Variants in LINGO2 observed in about 807,000 individuals in gnomAD.
LINGO2 encodes leucine rich repeat and Ig domain containing 2, also known as leucine-rich repeat and immunoglobulin-like domain-containing nogo receptor-interacting protein 2.
LINGO2 carries 14 observed loss-of-function variants against 30.6 expected under a neutral mutation model. The observed-to-expected ratio is 0.46, with a 90% CI of 0.30 to 0.72. The LOEUF is 0.72. Among genes scored for constraint, LINGO2 ranks in the 30% least tolerant of loss-of-function variants. The pLI is 0.07. For missense variants in LINGO2, 729 were observed against 751.7 expected, an observed-to-expected ratio of 0.97 and a Z score of 0.35; for synonymous variants, 317 against 288.5, an observed-to-expected ratio of 1.10 and a Z score of -1.00.
At chr9:28,470,765 A>G (rs1825487653) in intron 2 of LINGO2, among the ~76,000 whole-genome samples, 1 of 151,990 alleles carries the variant, frequency 6.6e-6, no homozygotes, top group Admixed American at 6.6e-5. Flanking sequence ...TAGCTAATGG[A>G]AAAGTCAAAG....
the LINGO2 span, among the ~76,000 whole-genome samples, chr9:29,002,004 T>C: frequency 5.3e-5 from 8 of 152,024 alleles, no homozygotes; most frequent in Non-Finnish European, 1.0e-4. Flanking sequence ...CTTCTATGGT[T>C]TGTCTTGGTA....
chr9:28,184,142 C>G (rs1819456914), intron 4 of LINGO2, among the ~76,000 whole-genome samples: 1 of 152,048 alleles, frequency 6.6e-6, no homozygotes, highest in South Asian at 2.1e-4. Flanking sequence ...TGGGGAAGTT[C>G]TAAGGAACAC....
the LINGO2 span, among the ~76,000 whole-genome samples, chr9:28,854,507 T>C: frequency 2.6e-5 from 4 of 151,968 alleles, no homozygotes; most frequent in Non-Finnish European, 2.9e-5. Context: ...AAATCACTGA[T>C]TGATAAATGG....
At chr9:28,520,108 C>T (rs1820773747) in intron 1 of LINGO2, among the ~76,000 whole-genome samples, 1 of 152,134 alleles carries the variant, frequency 6.6e-6, no homozygotes, top group African/African-American at 2.4e-5. Flanking sequence ...ACATAAACAT[C>T]ACATGATTGG....
chr9:28,282,887 T>C (rs900671254), intron 4 of LINGO2, among the ~76,000 whole-genome samples: 1 of 152,188 alleles, frequency 6.6e-6, no homozygotes, highest in East Asian at 1.9e-4. Context: ...ATTTCCAATA[T>C]TTGTACTGTA....
chr9:28,518,146 C>G (rs1820698091), intron 1 of LINGO2, among the ~76,000 whole-genome samples: 1 of 151,994 alleles, frequency 6.6e-6, no homozygotes, highest in East Asian at 1.9e-4. Flanking sequence ...TTGGAGAGGA[C>G]TCAGAGGTGC....
At chr9:27,953,888 A>G (rs1819436669) in intron 5 of LINGO2, among the ~76,000 whole-genome samples, 1 of 152,212 alleles carries the variant, frequency 6.6e-6, no homozygotes, top group Non-Finnish European at 1.5e-5. Flanking sequence ...ATATGAATAT[A>G]CATACATGTA....
chr9:29,042,429 G>C, the LINGO2 span, among the ~76,000 whole-genome samples: 1 of 151,910 alleles, frequency 6.6e-6, no homozygotes, highest in African/African-American at 2.4e-5. Context: ...TATCCCAAAA[G>C]TGAATAATCC....
chr9:28,683,571 A>G, the LINGO2 span, among the ~76,000 whole-genome samples: 2 of 152,184 alleles, frequency 1.3e-5, no homozygotes, highest in Non-Finnish European at 2.9e-5. Flanking sequence ...TATTTTGTAT[A>G]CAATATTTAC....
chr9:28,907,306 T>A, the LINGO2 span, among the ~76,000 whole-genome samples: 1 of 151,956 alleles, frequency 6.6e-6, no homozygotes, highest in Non-Finnish European at 1.5e-5. Context: ...CCTATGAGAA[T>A]GAGTGTGGCT....
the LINGO2 span, among the ~76,000 whole-genome samples, chr9:29,114,959 TTA>T: frequency 0.049 from 7,532 of 152,202 alleles, 292 homozygotes; most frequent in Admixed American, 0.075. Context: ...AAAATAAAAT[TTA>T]TATGATTTGT....
At chr9:28,877,054 G>A in the LINGO2 span, among the ~76,000 whole-genome samples, 9 of 151,198 alleles carry the variant, frequency 6.0e-5, no homozygotes, top group African/African-American at 1.9e-4. Context: ...GTCTTCTTTT[G>A]AAAAGTGTCT....
At chr9:29,191,290 G>A in the LINGO2 span, among the ~76,000 whole-genome samples, 1 of 152,102 alleles carries the variant, frequency 6.6e-6, no homozygotes, top group African/African-American at 2.4e-5. Context: ...GTATATACAA[G>A]AAAAACTTGA....
chr9:28,562,001 C>G (rs1823113158), intron 1 of LINGO2, among the ~76,000 whole-genome samples: 1 of 151,608 alleles, frequency 6.6e-6, no homozygotes, highest in Non-Finnish European at 1.5e-5. Flanking sequence ...ACACTGTCAT[C>G]CTTTTTTCTT....
At chr9:28,950,502 T>C in the LINGO2 span, among the ~76,000 whole-genome samples, 2 of 152,160 alleles carry the variant, frequency 1.3e-5, no homozygotes, top group African/African-American at 4.8e-5. Flanking sequence ...AACCCCATTG[T>C]CTCAGCCCAA....
intron 1 of LINGO2, among the ~76,000 whole-genome samples, chr9:28,512,796 A>C (rs1043439562): frequency 4.6e-5 from 7 of 151,098 alleles, no homozygotes; most frequent in African/African-American, 1.7e-4. Context: ...CCCAAAACTG[A>C]AGAACTTGGA....
At chr9:28,218,720 A>G (rs1820855986) in intron 4 of LINGO2, among the ~76,000 whole-genome samples, 1 of 152,080 alleles carries the variant, frequency 6.6e-6, no homozygotes, top group African/African-American at 2.4e-5. Flanking sequence ...ACAATCTCAC[A>G]GCCCAATGTC....
chr9:28,188,340 GT>G (rs1376827987), intron 4 of LINGO2, among the ~76,000 whole-genome samples: 1 of 152,028 alleles, frequency 6.6e-6, no homozygotes, highest in Non-Finnish European at 1.5e-5. Context: ...TAACTAAATT[GT>G]TTTCTTCTTT....
the LINGO2 span, among the ~76,000 whole-genome samples, chr9:28,861,118 A>AT: frequency 4.2e-5 from 5 of 120,308 alleles, no homozygotes; most frequent in Admixed American, 1.0e-4. Context: ...ATATATTTAT[A>AT]TAATATAAAT....
Sources: allele counts gnomAD v4.1 joint callset (sites outside exome capture counted in the v4.1 genomes callset), GRCh38; gene constraint gnomAD v4.1.1; transcripts MANE v1.5; gene names NCBI Gene and HGNC (gene_info 2026-07-23, HGNC 2026-07-21).